GIT1: variants seen among roughly 807,000 people sequenced by gnomAD.
The protein encoded by GIT1 is GIT ArfGAP 1, also known as ARF GTPase-activating protein GIT1.
GIT1 carries 14 observed loss-of-function variants against 91.7 expected under a neutral mutation model. The ratio of observed to expected loss-of-function variants is 0.15; its 90% CI spans 0.10 to 0.24. GIT1 has a LOEUF of 0.24. Among genes scored for constraint, GIT1 ranks in the 10% least tolerant of loss-of-function variants. The pLI is 1.00. For missense variants in GIT1, 717 were observed against 1,024.9 expected, an observed-to-expected ratio of 0.70 and a Z score of 4.10; for synonymous variants, 414 against 418.2, an observed-to-expected ratio of 0.99 and a Z score of 0.12.
chr17:29,582,658 AGAG>A, intron 4 of GIT1, 37 bp downstream of exon 4: 2 of 1,339,452 alleles, frequency 1.5e-6, no homozygotes, highest in Middle Eastern at 3.6e-4. Context: ...GATGGGAAGA[AGAG>A]GAGGGGGCCA....
chr17:29,576,750 T>C, intron 12 of GIT1, 76 bp from the exon 13 acceptor site: 2 of 1,592,902 alleles, frequency 1.3e-6, no homozygotes, highest in Non-Finnish European at 1.7e-6. Context: ...TTATTGAGGC[T>C]AGGAGCAGCC....
In GIT1 at chr17:29,578,756, T is replaced by C. The variant is rs1452162719; in HGVS notation, c.785A>G (p.Lys262Arg). The change falls in exon 8 of 20, where the codon AAA (lysine) becomes AGA (arginine). Residue 262 changes from lysine to arginine, a missense_variant. Physicochemically the swap from Lys to Arg is conservative, Grantham distance 26. Coordinates refer to ENST00000225394, the MANE Select transcript of GIT1 (RefSeq NM_014030.4). ...ADSLDLSELA[K>R]AAKKKLQALS... ...CGCCTGCAGCTTCTTCTTAGCAGCT[T>C]TGGCCAATTCGGATAAGTCAAGGCT... The C allele has an allele frequency of 5.6e-6, 9 of 1,613,962 alleles. No homozygotes were observed. The highest frequency in any genetic ancestry group is 7.6e-6 in the Non-Finnish European group (9 of 1,180,010).
rs771597748 is a variant in GIT1, at chr17:29,575,598, G to A, written c.1826+32C>T. 10 of 1,600,984 alleles carry A rather than the reference G, an allele frequency of 6.2e-6. No individual in the cohort carries two copies. Among genetic ancestry groups the A allele is most frequent in the Non-Finnish European group, 7.7e-6 (9 of 1,171,902 alleles). ...TCAACCTCCCCGCCTCGGCATGTGA[G>A]CAGGCTGGACTGGAGACCCAGGGAG... On this transcript the variant is annotated intron_variant, in intron 17 of 19. Transcript: ENST00000225394. The surrounding 1 kb of genome is among the most constrained non-coding windows in gnomAD (Gnocchi z 5.5).
chr17:29,580,424 C>T (rs1232032484), intron 7 of GIT1, among the ~76,000 whole-genome samples: 1 of 152,222 alleles, frequency 6.6e-6, no homozygotes, highest in African/African-American at 2.4e-5. Flanking sequence ...AGAGCACCTC[C>T]TCTCTCCAGA....
chr17:29,582,334 C>T (rs894606), intron 4 of GIT1, among the ~76,000 whole-genome samples, 190 bp from the exon 5 acceptor site: 55,025 of 152,224 alleles, frequency 0.36, 11,325 homozygotes, highest in East Asian at 0.65. Context: ...CCGTCAGTCA[C>T]CATCTACCAC....
chr17:29,576,048 C>T (rs200765154), intron 15 of GIT1, 30 bp downstream of exon 15: 27 of 1,611,524 alleles, frequency 1.7e-5, no homozygotes, highest in African/African-American at 2.7e-5. Flanking sequence ...AACCTACTGG[C>T]TAAGATGGAC....
chr17:29,579,370 A>ACCACCGAGATC, intron 7 of GIT1: 3 of 289,994 alleles, frequency 1.0e-5, no homozygotes, highest in South Asian at 9.7e-5. Context: ...GATTTTTTGG[A>ACCACCGAGATC]TACACCTGGC....
chr17:29,574,539 C>G lies in GIT1; in HGVS notation c.*163G>C, dbSNP rs553504640. 8 of 692,794 alleles carry G rather than the reference C, an allele frequency of 1.2e-5. No individual in the cohort carries two copies. The highest frequency in any genetic ancestry group is 1.8e-5 in the African/African-American group (1 of 56,646). The allele number at this position is 692,794 out of a possible 1,614,324, so 42.9% of individuals were successfully genotyped here. The stretch of plus-strand genomic sequence containing the variant: ...CCCCCCACCTCCCCATCCTTAGGGG[C>G]TCGACAGGGGTGGGCACCAGGGCAC... On this transcript the variant is annotated 3_prime_UTR_variant, in exon 20 of 20. Transcript: ENST00000225394.
chr17:29,578,376 A>G lies in GIT1; in HGVS notation c.811-5T>C. 2 of 1,613,792 alleles carry G rather than the reference A, an allele frequency of 1.2e-6. No homozygotes were observed. The highest frequency in any genetic ancestry group is 2.2e-5 in the South Asian group (2 of 91,068). Reference sequence around the variant, plus strand: ...CTCAAAAAGCCGGTTGCTGAGCTGGAGGAAGAGAGGGGCCCAGATGTTGTC... The same window carrying G: ...CTCAAAAAGCCGGTTGCTGAGCTGGGGGAAGAGAGGGGCCCAGATGTTGTC... On this transcript the variant is annotated splice_region_variant and splice_polypyrimidine_tract_variant and intron_variant, in intron 8 of 19. Coordinates refer to ENST00000225394, the MANE Select transcript of GIT1 (RefSeq NM_014030.4).
intron 7 of GIT1, among the ~76,000 whole-genome samples, chr17:29,579,486 C>T (rs2033324914): frequency 6.6e-6 from 1 of 152,190 alleles, no homozygotes; most frequent in South Asian, 2.1e-4. Flanking sequence ...TGGCTCACAC[C>T]TGTAATCCTA....
intron 1 of GIT1, among the ~76,000 whole-genome samples, chr17:29,585,811 A>T (rs2033574618): frequency 6.6e-6 from 1 of 152,150 alleles, no homozygotes; most frequent in Non-Finnish European, 1.5e-5. Flanking sequence ...AAAGGACAGG[A>T]ACTGTAAGGG....
intron 10 of GIT1, among the ~76,000 whole-genome samples, 158 bp downstream of exon 10, chr17:29,577,487 A>G (rs1020923767): frequency 6.6e-6 from 1 of 152,166 alleles, no homozygotes; most frequent in African/African-American, 2.4e-5. Context: ...GCTCAAAACA[A>G]CAGCCTCCTG....
chr17:29,573,709 T>G lies in GIT1; in HGVS notation c.*993A>C, dbSNP rs974959774. On this transcript the variant is annotated 3_prime_UTR_variant, in exon 20 of 20. Coordinates refer to ENST00000225394, the MANE Select transcript of GIT1 (RefSeq NM_014030.4). The stretch of plus-strand genomic sequence containing the variant: ...TGGTGGGTGCTGGCCTTGCAGAGGT[T>G]ACGGGGAGGGGACTCAGCTCCACAG... The G allele has an allele frequency of 7.9e-5, 12 of 152,556 alleles. 1 individual carries two copies. The highest frequency in any genetic ancestry group is 2.7e-4 in the African/African-American group (11 of 41,436). The allele number at this position is 152,556 out of a possible 1,614,324, so 9.5% of individuals were successfully genotyped here.
Position 29,578,347 on chromosome 17 carries a change from G to C in GIT1, c.835C>G (p.Leu279Val), listed in dbSNP as rs778222194. Residue 279 changes from leucine to valine, a missense_variant, in exon 9 of 20, where the codon CTC (leucine) becomes GTC (valine). By Grantham distance (32) the Leu-to-Val change is conservative (BLOSUM62 1). Around this residue, in one of 3 missense-constraint regions of GIT1, gnomAD observed 271 missense variants for 451.6 expected, o/e 0.60. Transcript: ENST00000225394. ...QALSNRLFEE[L>V]AMDVYDEVDR... The stretch of plus-strand genomic sequence containing the variant: ...ACCTCGTCATACACGTCCATGGCGA[G>C]TTCCTCAAAAAGCCGGTTGCTGAGC... 6.2e-7 allele frequency: 1 copy of C among 1,614,172 alleles called. No homozygotes were observed. The highest frequency in any genetic ancestry group is 1.7e-5 in the Admixed American group (1 of 60,032).
rs765301728 is a variant in GIT1, at chr17:29,576,182, C to T, written c.1611+38G>A. 1.2e-5 allele frequency: 20 copies of T among 1,609,472 alleles called. No homozygotes were observed. In the South Asian group the frequency reaches 1.9e-4, roughly 15 times the overall value. ...CATGGTGGACCCTGCGGCAGCCCCA[C>T]CCATCTCCCCACACCTTGAGACCCA... On this transcript the variant is annotated intron_variant, in intron 14 of 19. Transcript: ENST00000225394.
At chr17:29,578,921 A>G in intron 7 of GIT1, 142 bp from the exon 8 acceptor site, 1 of 1,607,630 alleles carries the variant, frequency 6.2e-7, no homozygotes, top group Non-Finnish European at 8.5e-7. Flanking sequence ...TCCCCGCCCT[A>G]CCCCACCTTC....
Position 29,589,438 on chromosome 17 carries a change from C to A in GIT1, c.-60G>T, listed in dbSNP as rs2033730798. The A allele has an allele frequency of 1.3e-6, 1 of 746,380 alleles. No individual in the cohort carries two copies. The highest frequency in any genetic ancestry group is 6.5e-5 in the Admixed American group (1 of 15,452). The allele number at this position is 746,380 out of a possible 1,614,324, so 46.2% of individuals were successfully genotyped here. A position where few individuals can be genotyped will look rare whatever the true frequency, so the allele number is the denominator to read the frequency against. On this transcript the variant is annotated 5_prime_UTR_variant, in exon 1 of 20. Transcript: ENST00000225394. This position sits in a 1 kb window ranked among gnomAD's most constrained non-coding sequence, Gnocchi z 5.2. ...AGCGTGGGGGGCGCGGGCGGCGGGC[C>A]CGGGCGGCGGCGGCGGCCCCTGCTG...
At chr17:29,579,830 C>CA (rs369775929) in intron 7 of GIT1, among the ~76,000 whole-genome samples, 44 of 152,250 alleles carry the variant, frequency 2.9e-4, no homozygotes, top group African/African-American at 1.0e-3. Context: ...AACCAAGGCT[C>CA]AGAGAGGTCA....
Position 29,576,061 on chromosome 17 carries a change from G to T in GIT1, c.1665+17C>A. The T allele has an allele frequency of 6.2e-7, 1 of 1,612,688 alleles. No homozygotes were observed. The highest frequency in any genetic ancestry group is 8.5e-7 in the Non-Finnish European group (1 of 1,179,024). On this transcript the variant is annotated intron_variant, in intron 15 of 19. Coordinates refer to ENST00000225394, the MANE Select transcript of GIT1 (RefSeq NM_014030.4). ...AGAACCTACTGGCTAAGATGGACAC[G>T]CCTTCCCCAGGCTTACCCGGTAAAG...
Sources: gnomAD v4.1 joint callset for allele counts (sites outside exome capture counted in the v4.1 genomes callset) on GRCh38, gnomAD v4.1.1 for gene constraint, gnomAD v4.1.1 regional missense constraint, Gnocchi (gnomAD v3.1) non-coding constraint, MANE v1.5 for transcripts, NCBI Gene and HGNC (gene_info 2026-07-23, HGNC 2026-07-21) for gene names.